NCK2: variants seen among roughly 807,000 people sequenced by gnomAD.
The protein encoded by NCK2 is NCK adaptor protein 2, also known as cytoplasmic protein NCK2.
A neutral mutation model predicts 33.9 loss-of-function variants in NCK2; 16 were observed. The observed-to-expected ratio is 0.47, with a 90% confidence interval of 0.32 to 0.72. The LOEUF is 0.72. Ranked by LOEUF, NCK2 falls within the 30% of genes least tolerant of loss-of-function variation. The probability of loss-of-function intolerance (pLI) is 0.03; values close to 1 mark genes in which losing one functional copy is unlikely to be tolerated. For synonymous variants in NCK2, 273 were observed against 239.9 expected, an observed-to-expected ratio of 1.14 and a Z score of -1.27; for missense variants, 418 against 537.3, an observed-to-expected ratio of 0.78 and a Z score of 2.19.
chr2:105,828,205 G>A (rs1223959271), intron 2 of NCK2, among the ~76,000 whole-genome samples: 1 of 152,178 alleles, frequency 6.6e-6, no homozygotes. Flanking sequence ...AGCAGTAGAT[G>A]AATAAGTCAT....
At chr2:105,862,247 G>A (rs565442955) in intron 3 of NCK2, among the ~76,000 whole-genome samples, 7 of 152,088 alleles carry the variant, frequency 4.6e-5, no homozygotes, top group South Asian at 2.1e-4. Context: ...GAAGGGGGTC[G>A]GTCTTGAGCC....
intron 1 of NCK2, among the ~76,000 whole-genome samples, chr2:105,788,518 A>G (rs1375410760): frequency 6.6e-6 from 1 of 152,176 alleles, no homozygotes; most frequent in Non-Finnish European, 1.5e-5. Flanking sequence ...CTCTTGAACA[A>G]GTAATACAAG....
At chr2:105,783,187 A>G (rs1181113320) in intron 1 of NCK2, among the ~76,000 whole-genome samples, 1 of 152,218 alleles carries the variant, frequency 6.6e-6, no homozygotes, top group Non-Finnish European at 1.5e-5. Context: ...AAGCCAATTT[A>G]ACCTTGAATT....
chr2:105,786,151 C>T (rs961409824), intron 1 of NCK2, among the ~76,000 whole-genome samples: 3 of 152,210 alleles, frequency 2.0e-5, no homozygotes, highest in Non-Finnish European at 4.4e-5. Context: ...GTGTCTAGGG[C>T]AGCATGATTA....
intron 1 of NCK2, among the ~76,000 whole-genome samples, chr2:105,761,542 G>T (rs3929435): frequency 5.5e-4 from 84 of 152,200 alleles, no homozygotes; most frequent in Non-Finnish European, 1.0e-3. Context: ...CATTCACATA[G>T]ATATAATTTA....
At chr2:105,873,749 T>C (rs1487534038) in intron 3 of NCK2, among the ~76,000 whole-genome samples, 1 of 152,294 alleles carries the variant, frequency 6.6e-6, no homozygotes, top group African/African-American at 2.4e-5. Context: ...TTGGCTCAGA[T>C]GATTGGGAAG....
rs535753067 is a variant in NCK2, at chr2:105,757,985, T to C, written c.-201+12847T>C. On this transcript the variant is annotated intron_variant, in intron 1 of 4. Transcript: ENST00000233154. ...CTCTATTCTCTCATGCCAGGGTGGGTGTTATTATTCCAGGGCCTGGATGAA... is the reference window on the plus strand; with the variant it reads ...CTCTATTCTCTCATGCCAGGGTGGGCGTTATTATTCCAGGGCCTGGATGAA... Among the ~76,000 whole-genome samples the C allele has an allele frequency of 5.9e-5, 9 of 152,158 alleles. No individual in the cohort carries two copies. The East Asian group carries it at 1.7e-3, about 29-fold the overall frequency.
chr2:105,876,206 A>G (rs1000833581), intron 3 of NCK2, among the ~76,000 whole-genome samples: 6 of 152,246 alleles, frequency 3.9e-5, no homozygotes, highest in African/African-American at 1.4e-4. Flanking sequence ...AAAACCAGGT[A>G]AATTCTGTGC....
chr2:105,744,743 G>A (rs1009620363), upstream of NCK2, among the ~76,000 whole-genome samples: 24 of 150,278 alleles, frequency 1.6e-4, no homozygotes, highest in South Asian at 8.3e-4. Context: ...TGGGTCTCGG[G>A]TCCCCGCCCC....
chr2:105,850,636 G>A (rs561111334), intron 2 of NCK2, among the ~76,000 whole-genome samples: 4 of 152,138 alleles, frequency 2.6e-5, no homozygotes, highest in African/African-American at 4.8e-5. Context: ...CAAAAATTAG[G>A]TTTCCTTGAA....
intron 1 of NCK2, among the ~76,000 whole-genome samples, chr2:105,810,600 G>A (rs1049464506): frequency 6.6e-6 from 1 of 152,186 alleles, no homozygotes; most frequent in Non-Finnish European, 1.5e-5. Context: ...AAGGCAATAT[G>A]TAATTAAATT....
intron 4 of NCK2, among the ~76,000 whole-genome samples, chr2:105,891,200 G>A (rs535052190): frequency 5.9e-5 from 9 of 151,968 alleles, no homozygotes; most frequent in African/African-American, 1.9e-4. Context: ...TCACATCTGC[G>A]CACGCTCACA....
intron 1 of NCK2, among the ~76,000 whole-genome samples, chr2:105,755,802 A>G (rs962429411): frequency 1.3e-5 from 2 of 151,512 alleles, no homozygotes; most frequent in African/African-American, 2.5e-5. Context: ...GATTGTCTAC[A>G]GAAGAAAATT....
At chr2:105,745,884 A>G (rs1689270317) in intron 1 of NCK2, 1 of 152,114 alleles carries the variant, frequency 6.6e-6, no homozygotes, top group Admixed American at 6.6e-5. Context: ...GAAAAATTTG[A>G]TATGTGAGTT....
In NCK2 at chr2:105,890,664, C is replaced by T. The variant is rs148743040; in HGVS notation, c.949-2318C>T. 4.1e-4 allele frequency among the ~76,000 whole-genome samples: 63 copies of T among 152,324 alleles called. 1 individual carries two copies. The highest frequency in any genetic ancestry group is 1.5e-3 in the African/African-American group (62 of 41,574). ...CATGCATAAATACAAACTATACTTA[C>T]AATTGTTCCTTTCATTCTTTTCTGT... is the stretch of plus-strand genomic sequence containing the variant. On this transcript the variant is annotated intron_variant, in intron 4 of 4. Transcript: ENST00000233154.
At chr2:105,856,903 G>A (rs1410289311) in intron 3 of NCK2, 5 of 152,168 alleles carry the variant, frequency 3.3e-5, no homozygotes, top group Non-Finnish European at 1.5e-5. Context: ...AAAAAAGAGG[G>A]TAGCATGAAT....
chr2:105,852,778 A>C (rs1162461554), intron 2 of NCK2, among the ~76,000 whole-genome samples: 1 of 152,152 alleles, frequency 6.6e-6, no homozygotes, highest in East Asian at 1.9e-4. Flanking sequence ...CAAAAGTCTA[A>C]TCTGACATAA....
intron 1 of NCK2, among the ~76,000 whole-genome samples, chr2:105,794,786 C>A (rs1691016364): frequency 6.6e-6 from 1 of 152,080 alleles, no homozygotes; most frequent in Admixed American, 6.5e-5. Context: ...TCTTGGCTCA[C>A]TGCAACCTCC....
At chr2:105,792,825 T>C (rs1220101543) in intron 1 of NCK2, among the ~76,000 whole-genome samples, 3 of 152,168 alleles carry the variant, frequency 2.0e-5, no homozygotes, top group African/African-American at 7.2e-5. Flanking sequence ...GCAACCTGGA[T>C]GGCCGTGGCC....
Sources: gnomAD v4.1 joint callset for allele counts (sites outside exome capture counted in the v4.1 genomes callset) on GRCh38, gnomAD v4.1.1 for gene constraint, MANE v1.5 for transcripts, NCBI Gene and HGNC (gene_info 2026-07-23, HGNC 2026-07-21) for gene names.